Variants in USP34 observed in about 807,000 individuals in gnomAD.
USP34 encodes the protein ubiquitin carboxyl-terminal hydrolase 34.
Under a neutral mutation model 460.3 loss-of-function variants are expected in USP34, and 70 were observed. That is an observed-to-expected ratio of 0.15 (90% CI 0.13 to 0.19). The LOEUF is 0.19. USP34 is among the 10% of genes least tolerant of loss of function. The pLI is 1.00. For synonymous variants in USP34, 1,647 were observed against 1,405.3 expected, an observed-to-expected ratio of 1.17 and a Z score of -3.85; for missense variants, 3,985 against 4,236.2, an observed-to-expected ratio of 0.94 and a Z score of 1.65.
At chr2:61,218,386 G>A (rs934217098) in intron 67 of USP34, among the ~76,000 whole-genome samples, 27 of 150,540 alleles carry the variant, frequency 1.8e-4, no homozygotes, top group African/African-American at 6.4e-4. Context: ...GCCACTGAAA[G>A]GTGCTTCTCA....
chr2:61,361,049 TTGAG>T (rs1692261458), intron 10 of USP34, among the ~76,000 whole-genome samples: 1 of 152,124 alleles, frequency 6.6e-6, no homozygotes, highest in South Asian at 2.1e-4. Flanking sequence ...AAAAACAATC[TTGAG>T]TAAGAATAGA....
In USP34 at chr2:61,203,281, T is replaced by C; in HGVS notation, c.9385-18A>G. 1 of 1,501,428 alleles carries C rather than the reference T, an allele frequency of 6.7e-7. No individual in the cohort carries two copies. Among genetic ancestry groups the C allele is most frequent in the Non-Finnish European group, 8.9e-7 (1 of 1,124,300 alleles). 93.0% of individuals were successfully genotyped at this position (1,501,428 alleles called of 1,614,324 possible). Reference sequence around the variant, plus strand: ...TCTTTGCCCTGAAGGTTAAAGATGATAAAATGGTTGCACTTAAATTGTATA... The same window carrying C: ...TCTTTGCCCTGAAGGTTAAAGATGACAAAATGGTTGCACTTAAATTGTATA... On this transcript the variant is annotated intron_variant, in intron 74 of 79. Coordinates refer to ENST00000398571, the MANE Select transcript of USP34 (RefSeq NM_014709.4).
chr2:61,426,101 A>T (rs1350568375), intron 1 of USP34, among the ~76,000 whole-genome samples: 1 of 152,110 alleles, frequency 6.6e-6, no homozygotes, highest in African/African-American at 2.4e-5. Flanking sequence ...GCGATATCCA[A>T]GTACTACATT....
At chr2:61,267,440 G>C (rs1040514424) in intron 41 of USP34, among the ~76,000 whole-genome samples, 1 of 151,840 alleles carries the variant, frequency 6.6e-6, no homozygotes, top group Admixed American at 6.6e-5. Context: ...AAGTGGTTAG[G>C]AGATTTTTTT....
chr2:61,240,150 T>C (rs1037899989), intron 53 of USP34, among the ~76,000 whole-genome samples: 50 of 152,222 alleles, frequency 3.3e-4, no homozygotes, highest in Admixed American at 3.1e-3. Flanking sequence ...TTTGCTTTTT[T>C]GTGTTTTTGG....
intron 20 of USP34, among the ~76,000 whole-genome samples, chr2:61,328,501 T>C (rs560542015): frequency 2.0e-5 from 3 of 152,282 alleles, no homozygotes; most frequent in Non-Finnish European, 2.9e-5. Context: ...GTAGCAAATG[T>C]ACACTTGTTT....
chr2:61,191,461 G>A (rs1256959739), intron 76 of USP34: 4 of 151,928 alleles, frequency 2.6e-5, no homozygotes, highest in Non-Finnish European at 5.9e-5. Context: ...AATTACTCAA[G>A]GTCAGTCAAG....
At chr2:61,303,153 G>A (rs1021373952) in intron 27 of USP34, among the ~76,000 whole-genome samples, 11 of 151,704 alleles carry the variant, frequency 7.3e-5, no homozygotes, top group Admixed American at 1.3e-4. Context: ...TGCAACCTCC[G>A]CCTCCTGGGT....
At chr2:61,372,134 A>G (rs1692646782) in intron 8 of USP34, among the ~76,000 whole-genome samples, 1 of 152,172 alleles carries the variant, frequency 6.6e-6, no homozygotes, top group Non-Finnish European at 1.5e-5. Context: ...ATATACAGAT[A>G]AACTGGAAAG....
Position 61,301,467 on chromosome 2 carries a change from A to C in USP34, c.3818-13T>G, listed in dbSNP as rs749649594. ...CCCATGAGGCCTCCTTAAAAACAGCAAAACATGGAAATGAATTTGTTTTTA... is the reference window on the plus strand; with the variant it reads ...CCCATGAGGCCTCCTTAAAAACAGCCAAACATGGAAATGAATTTGTTTTTA... On this transcript the variant is annotated splice_polypyrimidine_tract_variant and intron_variant, in intron 27 of 79. Transcript: ENST00000398571. 1.9e-6 allele frequency: 3 copies of C among 1,601,482 alleles called. No homozygotes were observed. The African/African-American group carries it at 4.0e-5, about 22-fold the overall frequency.
chr2:61,195,865 C>CA (rs1157287461), intron 75 of USP34, among the ~76,000 whole-genome samples: 1 of 152,014 alleles, frequency 6.6e-6, no homozygotes, highest in Non-Finnish European at 1.5e-5. Context: ...TTTCTCTAGT[C>CA]ATTTCTCCCC....
intron 20 of USP34, among the ~76,000 whole-genome samples, chr2:61,327,726 G>A (rs1056652885): frequency 6.6e-6 from 1 of 152,154 alleles, no homozygotes; most frequent in African/African-American, 2.4e-5. Context: ...GCACTTCAAA[G>A]ATCTCTGTGG....
At chr2:61,256,303 A>C in intron 48 of USP34, 81 bp downstream of exon 48, 2 of 1,295,092 alleles carry the variant, frequency 1.5e-6, no homozygotes, top group African/African-American at 3.0e-5. Flanking sequence ...AATTTCCACC[A>C]AAGTTTAATC....
chr2:61,212,007 T>G lies in USP34; in HGVS notation c.8683-78A>C. ...GGTCAGTTTCTCATTTCTACGTTCA[T>G]TAATCAACTCTTAAAATTATACAAA... On this transcript the variant is annotated intron_variant, in intron 68 of 79. Coordinates refer to ENST00000398571, the MANE Select transcript of USP34 (RefSeq NM_014709.4). The G allele has an allele frequency of 7.8e-6, 11 of 1,406,556 alleles. No homozygotes were observed. The South Asian group carries it at 1.5e-4, about 19-fold the overall frequency. 87.1% of individuals were successfully genotyped at this position (1,406,556 alleles called of 1,614,324 possible).
intron 65 of USP34, 77 bp from the exon 66 acceptor site, chr2:61,221,683 T>G: frequency 7.8e-7 from 1 of 1,285,352 alleles, no homozygotes; most frequent in Non-Finnish European, 1.1e-6. Flanking sequence ...ACATATATTC[T>G]ACTACACACT....
chr2:61,343,666 G>GA, intron 16 of USP34, 149 bp downstream of exon 16: 1 of 741,134 alleles, frequency 1.3e-6, no homozygotes. Flanking sequence ...TAATTCCCTT[G>GA]GGGGAAAAAA....
chr2:61,364,395 G>A (rs1237164782), intron 10 of USP34, among the ~76,000 whole-genome samples: 1 of 152,126 alleles, frequency 6.6e-6, no homozygotes, highest in Non-Finnish European at 1.5e-5. Context: ...GAAGAAACCA[G>A]GGGCTGAAAG....
chr2:61,348,553 C>T, intron 14 of USP34, 73 bp from the exon 15 acceptor site: 1 of 1,524,302 alleles, frequency 6.6e-7, no homozygotes, highest in Non-Finnish European at 8.8e-7. Flanking sequence ...CATTAATAAA[C>T]TGTACTTTTT....
At chr2:61,278,590 C>T (rs1444188973) in intron 39 of USP34, 147 bp from the exon 40 acceptor site, 1 of 602,206 alleles carries the variant, frequency 1.7e-6, no homozygotes, top group Non-Finnish European at 2.8e-6. Flanking sequence ...CTACTCTTTA[C>T]TTATACATTA....
Sources: allele counts gnomAD v4.1 joint callset (sites outside exome capture counted in the v4.1 genomes callset), GRCh38; gene constraint gnomAD v4.1.1; transcripts MANE v1.5; gene names NCBI Gene and HGNC (gene_info 2026-07-23, HGNC 2026-07-21).